IGSF21: variants seen among roughly 807,000 people sequenced by gnomAD.
IGSF21 encodes immunoglobin superfamily member 21, also known as immunoglobulin superfamily member 21.
In IGSF21, 28 loss-of-function variants were observed where a neutral mutation model predicts 46.8. The observed-to-expected ratio is 0.60, with a 90% CI of 0.44 to 0.82. The LOEUF is 0.82. Among genes scored for constraint, IGSF21 ranks in the 40% least tolerant of loss-of-function variants. The probability of loss-of-function intolerance (pLI) is 0.00; values close to 1 mark genes in which losing one functional copy is unlikely to be tolerated. For synonymous variants in IGSF21, 284 were observed against 273.6 expected (o/e 1.04, Z -0.38); for missense variants, 624 against 665.5 (o/e 0.94, Z 0.69).
At chr1:18,243,871 G>C (rs902734739) in intron 2 of IGSF21, among the ~76,000 whole-genome samples, 20 of 152,298 alleles carry the variant, frequency 1.3e-4, no homozygotes, top group Admixed American at 5.2e-4. Context: ...GGTGCCTCTA[G>C]AGACAGAAAG....
rs115543583 is a variant in IGSF21, at chr1:18,131,610, T to C, written c.70+23412T>C. On this transcript the variant is annotated intron_variant, in intron 1 of 9. Coordinates refer to ENST00000251296, the MANE Select transcript of IGSF21 (RefSeq NM_032880.5). ...GCTATAACAAACCCCCAAATTTCACTGGCACAAGCTCGATAGAAGTTTATT... is the reference window on the plus strand; with the variant it reads ...GCTATAACAAACCCCCAAATTTCACCGGCACAAGCTCGATAGAAGTTTATT... Among the ~76,000 whole-genome samples the C allele has an allele frequency of 5.4e-3, 826 of 152,338 alleles. 5 individuals are homozygous for C. The highest frequency in any genetic ancestry group is 9.3e-3 in the Non-Finnish European group (635 of 68,032).
Position 18,322,160 on chromosome 1 carries a change from G to A in IGSF21, c.306-12732G>A, listed in dbSNP as rs567876757. ...TTTTCAGTGCCTCGCACAGGGTCTC[G>A]CACACAGGAGGTGCTCAGTGAACCT... On this transcript the variant is annotated intron_variant, in intron 3 of 9. Transcript: ENST00000251296. The surrounding 1 kb of genome is among the most constrained non-coding windows in gnomAD (Gnocchi z 4.3). 1.2e-4 allele frequency among the ~76,000 whole-genome samples: 18 copies of A among 152,236 alleles called. No homozygotes were observed. The highest frequency in any genetic ancestry group is 3.4e-3 in the Middle Eastern group (1 of 294).
At chr1:18,260,151 C>T (rs1159124823) in intron 2 of IGSF21, among the ~76,000 whole-genome samples, 1 of 152,208 alleles carries the variant, frequency 6.6e-6, no homozygotes, top group Non-Finnish European at 1.5e-5. Context: ...GCTGGAGAAG[C>T]ACGCAGAGGA....
intron 4 of IGSF21, among the ~76,000 whole-genome samples, chr1:18,343,331 CTGACCTACA>C (rs2085861814): frequency 1.3e-5 from 2 of 152,236 alleles, no homozygotes; most frequent in African/African-American, 4.8e-5. Flanking sequence ...AGTTCTCTAT[CTGACCTACA>C]TGTAAGTCCC....
intron 2 of IGSF21, among the ~76,000 whole-genome samples, chr1:18,230,533 T>C (rs760968967): frequency 1.3e-5 from 2 of 152,152 alleles, no homozygotes; most frequent in Non-Finnish European, 2.9e-5. Flanking sequence ...CTTGTAATTC[T>C]GTAGCTGGAC....
intron 2 of IGSF21, among the ~76,000 whole-genome samples, chr1:18,256,653 TGGATCG>T (rs2084895343): frequency 6.6e-6 from 1 of 152,168 alleles, no homozygotes; most frequent in Admixed American, 6.5e-5. Flanking sequence ...CCCTTCCCAG[TGGATCG>T]GGGCCTGCTG....
At chr1:18,137,892 T>C (rs1271687285) in intron 1 of IGSF21, among the ~76,000 whole-genome samples, 2 of 152,170 alleles carry the variant, frequency 1.3e-5, no homozygotes, top group Admixed American at 1.3e-4. Flanking sequence ...ATTTTCTCCA[T>C]TTTATAAATG....
At chr1:18,328,338 TAAA>T (rs1162009387) in intron 3 of IGSF21, among the ~76,000 whole-genome samples, 1 of 152,192 alleles carries the variant, frequency 6.6e-6, no homozygotes, top group African/African-American at 2.4e-5. Context: ...CATTTTGTAA[TAAA>T]GAGCTGAGTA....
At chr1:18,362,284 C>G in intron 5 of IGSF21, 54 bp downstream of exon 5, 1 of 1,302,908 alleles carries the variant, frequency 7.7e-7, no homozygotes, top group Middle Eastern at 1.9e-4. Flanking sequence ...CACCCTGCTT[C>G]GGGGCTGGTC....
chr1:18,321,577 C>T (rs2085601667), intron 3 of IGSF21, among the ~76,000 whole-genome samples: 1 of 152,174 alleles, frequency 6.6e-6, no homozygotes, highest in Non-Finnish European at 1.5e-5. Context: ...TCCAGGTTGG[C>T]TGGGGGCCCA....
intron 2 of IGSF21, among the ~76,000 whole-genome samples, chr1:18,232,064 T>C (rs1171079475): frequency 6.6e-6 from 1 of 151,980 alleles, no homozygotes; most frequent in Non-Finnish European, 1.5e-5. Flanking sequence ...GTGCTGAGTA[T>C]CGTAGTTGTC....
rs762723241 is a variant in IGSF21, at chr1:18,227,929, C to G, written c.102C>G (p.Pro34=). 85 of 1,614,088 alleles carry G rather than the reference C, an allele frequency of 5.3e-5. No homozygotes were observed. The highest frequency in any genetic ancestry group is 7.1e-5 in the Non-Finnish European group (84 of 1,179,950). The change falls in exon 2 of 10, where the codon CCC becomes CCG. Residue 34 remains proline (P), a synonymous_variant. Transcript: ENST00000251296. ...GYLTVNIEPL[P]PVVAGDAVTL... Reference sequence around the variant, plus strand: ...TGACAGTCAACATTGAGCCTCTCCCCCCTGTGGTGGCTGGAGACGCCGTGA... The same window carrying G: ...TGACAGTCAACATTGAGCCTCTCCCGCCTGTGGTGGCTGGAGACGCCGTGA...
rs35258013 is a variant in IGSF21, at chr1:18,109,225, A to C, written c.70+1027A>C. Among the ~76,000 whole-genome samples, 2,793 of 151,892 alleles carry C rather than the reference A, an allele frequency of 0.018. 31 individuals carry two copies. The highest frequency in any genetic ancestry group is 0.049 in the East Asian group (249 of 5,104). ...AGCCAACGTGAGGCTAAAAGCCAGG[A>C]GGGAGGGAGGCGGGACCAGCGAAGA... On this transcript the variant is annotated intron_variant, in intron 1 of 9. Coordinates refer to ENST00000251296, the MANE Select transcript of IGSF21 (RefSeq NM_032880.5). This position sits in a 1 kb window ranked among gnomAD's most constrained non-coding sequence, Gnocchi z 4.8.
chr1:18,187,063 G>A (rs2086909921), intron 1 of IGSF21, among the ~76,000 whole-genome samples: 1 of 152,062 alleles, frequency 6.6e-6, no homozygotes, highest in Non-Finnish European at 1.5e-5. Context: ...TAAACTGCGT[G>A]GCTTCAACTA....
rs114338672 is a variant in IGSF21, at chr1:18,370,532, G to A, written c.1015+4835G>A. Reference sequence around the variant, plus strand: ...AAAACATAGCCTTTGTGATATTTGTGTAACAAAGGTTTCTTAAAGTGGTCA... The same window carrying A: ...AAAACATAGCCTTTGTGATATTTGTATAACAAAGGTTTCTTAAAGTGGTCA... On this transcript the variant is annotated intron_variant, in intron 6 of 9. Transcript: ENST00000251296. Among the ~76,000 whole-genome samples, 1,134 of 152,260 alleles carry A rather than the reference G, an allele frequency of 7.4e-3. 13 individuals are homozygous for A. Among genetic ancestry groups the A allele is most frequent in the African/African-American group, 0.026 (1,084 of 41,556 alleles).
chr1:18,327,050 G>T (rs1375100194), intron 3 of IGSF21, among the ~76,000 whole-genome samples: 1 of 152,058 alleles, frequency 6.6e-6, no homozygotes, highest in Non-Finnish European at 1.5e-5. Flanking sequence ...GAGGGTCAGG[G>T]GCACCCAGGC....
intron 4 of IGSF21, among the ~76,000 whole-genome samples, chr1:18,350,646 C>T (rs1557655688): frequency 6.6e-6 from 1 of 151,928 alleles, no homozygotes; most frequent in African/African-American, 2.4e-5. Flanking sequence ...AAAAATGCAT[C>T]CCCCTCCCAC....
intron 1 of IGSF21, among the ~76,000 whole-genome samples, chr1:18,185,928 G>A (rs1317637441): frequency 6.6e-6 from 1 of 152,198 alleles, no homozygotes; most frequent in Non-Finnish European, 1.5e-5. Flanking sequence ...TAAAATAGGT[G>A]CACTGGTCCT....
chr1:18,225,077 TCTCTCTCTCACACACACA>T (rs2084549250), intron 1 of IGSF21, among the ~76,000 whole-genome samples: 1 of 38,734 alleles, frequency 2.6e-5, no homozygotes, highest in African/African-American at 4.6e-5. Context: ...TCTCTCTCTC[TCTCTCTCTCACACACACA>T]CACACACACA....
Sources: gnomAD v4.1 joint callset for allele counts (sites outside exome capture counted in the v4.1 genomes callset) on GRCh38, gnomAD v4.1.1 for gene constraint, Gnocchi (gnomAD v3.1) non-coding constraint, MANE v1.5 for transcripts, NCBI Gene and HGNC (gene_info 2026-07-23, HGNC 2026-07-21) for gene names.